FANCI: variants seen among roughly 807,000 people sequenced by gnomAD.
The protein encoded by FANCI is Fanconi anemia group I protein.
A neutral mutation model predicts 176.1 loss-of-function variants in FANCI; 156 were observed. The ratio of observed to expected loss-of-function variants is 0.89; its 90% CI spans 0.78 to 1.01. FANCI has a LOEUF of 1.01. Among genes scored for constraint, FANCI ranks in the 50% least tolerant of loss-of-function variants. FANCI has a pLI of 0.00. For synonymous variants in FANCI, 613 were observed against 541.7 expected (o/e 1.13, Z -1.83); for missense variants, 1,678 against 1,534.1 (o/e 1.09, Z -1.57).
intron 11 of FANCI, among the ~76,000 whole-genome samples, chr15:89,273,691 G>T (rs1331852388): frequency 6.6e-6 from 1 of 152,096 alleles, no homozygotes; most frequent in African/African-American, 2.4e-5. Flanking sequence ...GTTTCCTGTT[G>T]TGTGGTAAGC....
intron 10 of FANCI, 63 bp downstream of exon 10, chr15:89,268,588 A>C (rs2053070358): frequency 5.6e-6 from 9 of 1,593,464 alleles, no homozygotes; most frequent in Non-Finnish European, 7.7e-6. Flanking sequence ...AACTTAAGCC[A>C]CTGTTATGCC....
intron 3 of FANCI, chr15:89,259,250 T>C (rs2052621097): frequency 6.1e-6 from 1 of 162,804 alleles, no homozygotes. Context: ...TGATTTATAG[T>C]GGTTTTATAA....
At chr15:89,276,921 A>C (rs1184503029) in intron 13 of FANCI, 30 bp downstream of exon 13, 1 of 1,612,554 alleles carries the variant, frequency 6.2e-7, no homozygotes, top group South Asian at 1.1e-5. Context: ...ACCACTCCCT[A>C]ATTTTGTTTA....
chr15:89,313,798 GGA>G (rs2055061216), intron 35 of FANCI, among the ~76,000 whole-genome samples: 1 of 151,904 alleles, frequency 6.6e-6, no homozygotes, highest in African/African-American at 2.4e-5. Context: ...TATTTATACT[GGA>G]GAGATATGAA....
chr15:89,305,890 G>C (rs959365610), intron 31 of FANCI, 117 bp from the exon 32 acceptor site: 10 of 1,138,860 alleles, frequency 8.8e-6, no homozygotes, highest in Non-Finnish European at 1.3e-5. Context: ...TCTGCATATT[G>C]AATGTTCGTT....
intron 2 of FANCI, among the ~76,000 whole-genome samples, chr15:89,248,981 C>T (rs2052111128): frequency 6.6e-6 from 1 of 152,132 alleles, no homozygotes; most frequent in South Asian, 2.1e-4. Context: ...TCGAGATCAG[C>T]TTAGGCAACA....
At chr15:89,268,327 T>C (rs771017655) in intron 9 of FANCI, 72 bp from the exon 10 acceptor site, 11 of 1,573,274 alleles carry the variant, frequency 7.0e-6, no homozygotes, top group Admixed American at 1.7e-5. Flanking sequence ...CGCCTTGGCC[T>C]CCCAAAGTGC....
At position 89,266,231 on chromosome 15, in the gene FANCI, G is replaced by A. The variant is rs528969146; in HGVS notation, c.755+1624G>A. On this transcript the variant is annotated intron_variant, in intron 9 of 37. Coordinates refer to ENST00000310775, the MANE Select transcript of FANCI (RefSeq NM_001113378.2). ...GGCTGGAGTACAGTGGTGTGATCTC[G>A]GCTCACTGCAACCTCTGCTTCCCAA... Among the ~76,000 whole-genome samples, 53 of 141,516 alleles carry A rather than the reference G, an allele frequency of 3.7e-4. 1 individual carries two copies. The South Asian group carries it at 0.011, about 30-fold the overall frequency. The allele number at this position is 141,516 out of a possible 152,430, so 92.8% of individuals were successfully genotyped here.
intron 2 of FANCI, among the ~76,000 whole-genome samples, chr15:89,256,102 T>A (rs1306580802): frequency 1.3e-5 from 2 of 152,224 alleles, no homozygotes. Context: ...CTGCTTTCTG[T>A]TGAAACTGAA....
chr15:89,268,355 G>A (rs1207913576), intron 9 of FANCI, 44 bp from the exon 10 acceptor site: 2 of 1,612,284 alleles, frequency 1.2e-6, no homozygotes, highest in Admixed American at 1.7e-5. Context: ...ACAGGCATGA[G>A]CCACTGCACC....
At chr15:89,263,285 T>C in intron 6 of FANCI, 134 bp from the exon 7 acceptor site, 1 of 713,244 alleles carries the variant, frequency 1.4e-6, no homozygotes, top group South Asian at 1.6e-5. Flanking sequence ...TTTTAAATGG[T>C]ATTTATTTGA....
rs2055028857 is a variant in FANCI at position 89,312,959 on chromosome 15, T to C, written c.3707T>C (p.Val1236Ala). The C allele has an allele frequency of 1.2e-6, 2 of 1,613,956 alleles. No homozygotes were observed. Among genetic ancestry groups the C allele is most frequent in the Non-Finnish European group, 1.7e-6 (2 of 1,180,006 alleles). The change falls in exon 35 of 38, where the codon GTT becomes GCT. Residue 1236 changes from valine (V) to alanine (A), a missense_variant. Around this residue, in one of 3 missense-constraint regions of FANCI, gnomAD observed 1,204 missense variants for 1,077.4 expected, o/e 1.12. Transcript: ENST00000310775. Reference sequence around the variant, plus strand: ...GAGAAAAAGGAGAAACCTGCTGCCGTTGCCACAGCCATGGTAAGCTGCTGA... The same window carrying C: ...GAGAAAAAGGAGAAACCTGCTGCCGCTGCCACAGCCATGGTAAGCTGCTGA... Reference protein sequence around the residue: ...TGEKKEKPAAVATAMARVLRE... With the variant: ...TGEKKEKPAAAATAMARVLRE...
chr15:89,266,585 TC>T (rs1161441594), intron 9 of FANCI, among the ~76,000 whole-genome samples: 1 of 151,926 alleles, frequency 6.6e-6, no homozygotes, highest in Non-Finnish European at 1.5e-5. Flanking sequence ...TACCTTGGCC[TC>T]CCAAAGTGCT....
At chr15:89,286,154 A>G (rs996020693) in intron 18 of FANCI, among the ~76,000 whole-genome samples, 3 of 151,910 alleles carry the variant, frequency 2.0e-5, no homozygotes, top group Non-Finnish European at 2.9e-5. Flanking sequence ...CACCATGCCC[A>G]GCTGATTTTT....
At chr15:89,301,213 G>A (rs1162256611) in intron 26 of FANCI, 113 bp from the exon 27 acceptor site, 2 of 795,020 alleles carry the variant, frequency 2.5e-6, no homozygotes, top group South Asian at 1.4e-5. Context: ...TAGAATTTTG[G>A]TAGCTTTGAA....
Position 89,307,013 on chromosome 15 carries a change from T to G in FANCI, c.3538-463T>G, listed in dbSNP as rs563701526. Among the ~76,000 whole-genome samples the G allele has an allele frequency of 5.9e-5, 9 of 152,338 alleles. No homozygotes were observed. In the South Asian group the frequency reaches 1.0e-3, roughly 18 times the overall value. ...ACAAGGCATACCCTGCCCTTACTGT[T>G]TATGTTCCTAGCAATGATCCATATT... On this transcript the variant is annotated intron_variant, in intron 32 of 37. Transcript: ENST00000310775.
At position 89,261,690 on chromosome 15, in the gene FANCI, A is replaced by G. The variant is rs749540937; in HGVS notation, c.394A>G (p.Ile132Val). 3.5e-5 allele frequency: 57 copies of G among 1,614,044 alleles called. No homozygotes were observed. Among genetic ancestry groups the G allele is most frequent in the Non-Finnish European group, 4.4e-5 (52 of 1,180,032 alleles). ...VNGKSLELLP[I>V]ILTALATKKE... ...TGGAAAATCTTTGGAGTTACTACCT[A>G]TCATTCTCACTGCCCTGGCTACGAA... Residue 132 changes from isoleucine to valine, a missense_variant, in exon 5 of 38, where the codon ATC becomes GTC. Around this residue, in one of 3 missense-constraint regions of FANCI, gnomAD observed 469 missense variants for 436.9 expected, o/e 1.07. Transcript: ENST00000310775.
At chr15:89,314,807 G>T in intron 36 of FANCI, 100 bp downstream of exon 36, 1 of 831,332 alleles carries the variant, frequency 1.2e-6, no homozygotes, top group Non-Finnish European at 2.0e-6. Context: ...AGAGACTCTG[G>T]GCCATTTGTG....
intron 20 of FANCI, 63 bp downstream of exon 20, chr15:89,291,777 A>C (rs2054079892): frequency 7.7e-7 from 1 of 1,292,426 alleles, no homozygotes; most frequent in Non-Finnish European, 1.1e-6. Flanking sequence ...TGAACTTTGC[A>C]AAGAGATACC....
Sources: gnomAD v4.1 joint callset for allele counts (sites outside exome capture counted in the v4.1 genomes callset) on GRCh38, gnomAD v4.1.1 for gene constraint, gnomAD v4.1.1 regional missense constraint, MANE v1.5 for transcripts, NCBI Gene and HGNC (gene_info 2026-07-23, HGNC 2026-07-21) for gene names.